Variants in PRTG observed in about 807,000 individuals in gnomAD.
PRTG encodes the protein immunoglobulin superfamily, DCC subclass, member 5.
Under a neutral mutation model 122.5 loss-of-function variants are expected in PRTG, and 67 were observed. The ratio of observed to expected loss-of-function variants is 0.55; its 90% CI spans 0.45 to 0.67. The LOEUF is 0.67. Ranked by LOEUF, PRTG falls within the 30% of genes least tolerant of loss-of-function variation. The pLI is 0.00. For missense variants in PRTG, 1,435 were observed against 1,415.4 expected (o/e 1.01, Z -0.22); for synonymous variants, 554 against 501.1 (o/e 1.11, Z -1.41).
chr15:55,687,588 G>A (rs1245342896), intron 2 of PRTG, among the ~76,000 whole-genome samples: 4 of 152,038 alleles, frequency 2.6e-5, no homozygotes, highest in African/African-American at 9.7e-5. Flanking sequence ...TAACAATTGA[G>A]CTAACCTTGT....
chr15:55,737,825 T>C (rs540155964), intron 2 of PRTG, among the ~76,000 whole-genome samples: 1 of 151,920 alleles, frequency 6.6e-6, no homozygotes, highest in Middle Eastern at 3.4e-3. Flanking sequence ...TGTACTATTG[T>C]GCTTCTGTAC....
rs541887850 is a variant in PRTG, at chr15:55,613,404, A to G, written c.*6608T>C. ...AGAAAATTACAAAAGATAAAATGCA[A>G]TTCTGAAGACATTGTCGAATAAGGA... is the stretch of plus-strand genomic sequence containing the variant. On this transcript the variant is annotated 3_prime_UTR_variant, in exon 20 of 20. Coordinates refer to ENST00000389286, the MANE Select transcript of PRTG (RefSeq NM_173814.6). The G allele has an allele frequency of 1.3e-5, 2 of 152,264 alleles. No homozygotes were observed. Among genetic ancestry groups the G allele is most frequent in the African/African-American group, 4.8e-5 (2 of 41,580 alleles). 9.4% of individuals were successfully genotyped at this position (152,264 alleles called of 1,614,324 possible). A position where few individuals can be genotyped will look rare whatever the true frequency, so the allele number is the denominator to read the frequency against.
At chr15:55,656,152 A>C (rs2059378603) in intron 11 of PRTG, 2 of 278,364 alleles carry the variant, frequency 7.2e-6, no homozygotes, top group Admixed American at 5.0e-5. Flanking sequence ...TCTGTATTTA[A>C]ATTTCCAAAA....
At chr15:55,640,289 T>A (rs1387539092) in intron 12 of PRTG, among the ~76,000 whole-genome samples, 1 of 152,166 alleles carries the variant, frequency 6.6e-6, no homozygotes. Flanking sequence ...TGGTAACAGG[T>A]TGCTCTATGA....
intron 2 of PRTG, among the ~76,000 whole-genome samples, chr15:55,693,142 C>T (rs933689229): frequency 6.6e-6 from 1 of 152,042 alleles, no homozygotes; most frequent in African/African-American, 2.4e-5. Context: ...AGCCACCGCG[C>T]CAAGCCAAGG....
chr15:55,665,514 T>G (rs1360467432), intron 11 of PRTG, among the ~76,000 whole-genome samples: 3 of 151,860 alleles, frequency 2.0e-5, no homozygotes, highest in East Asian at 3.9e-4. Flanking sequence ...TTTGTTTTTT[T>G]TTTTTTTAAT....
At chr15:55,645,935 AG>A (rs1459713922) in intron 11 of PRTG, among the ~76,000 whole-genome samples, 1 of 152,242 alleles carries the variant, frequency 6.6e-6, no homozygotes, top group Non-Finnish European at 1.5e-5. Context: ...AAGGGAAGAC[AG>A]GGAGAAGTTG....
chr15:55,732,856 T>A (rs1458707936), intron 2 of PRTG, among the ~76,000 whole-genome samples: 1 of 152,218 alleles, frequency 6.6e-6, no homozygotes, highest in Non-Finnish European at 1.5e-5. Flanking sequence ...GGAAAAGCAC[T>A]GTCACTCCAA....
intron 2 of PRTG, among the ~76,000 whole-genome samples, chr15:55,691,973 T>C (rs1013298459): frequency 5.4e-5 from 8 of 149,408 alleles, no homozygotes; most frequent in Non-Finnish European, 1.0e-4. Context: ...GGAGGTTGAG[T>C]CTGCAGTGAG....
chr15:55,665,789 A>C (rs1239446899), intron 11 of PRTG, among the ~76,000 whole-genome samples: 1 of 152,122 alleles, frequency 6.6e-6, no homozygotes, highest in Non-Finnish European at 1.5e-5. Flanking sequence ...TCCTGACTTC[A>C]AGTGATCCAC....
chr15:55,679,277 AC>A lies in PRTG; in HGVS notation c.1133+8del, dbSNP rs758987086. The stretch of plus-strand genomic sequence containing the variant: ...ATATATAAAATGGTAGCAAAGTTAC[AC>A]AGCCTACCTGTTGTACATTTTAATT... On this transcript the variant is annotated splice_region_variant and intron_variant, in intron 7 of 19. Transcript: ENST00000389286. The A allele has an allele frequency of 8.8e-6, 14 of 1,594,208 alleles. No homozygotes were observed. The highest frequency in any genetic ancestry group is 1.1e-5 in the Non-Finnish European group (13 of 1,164,276).
At chr15:55,640,558 C>G (rs760380820) in intron 12 of PRTG, among the ~76,000 whole-genome samples, 1 of 152,196 alleles carries the variant, frequency 6.6e-6, no homozygotes, top group African/African-American at 2.4e-5. Flanking sequence ...TGGAGAGAAA[C>G]AGCCTCGAGG....
chr15:55,677,319 T>A (rs1022077342), intron 8 of PRTG, among the ~76,000 whole-genome samples: 2 of 152,138 alleles, frequency 1.3e-5, no homozygotes, highest in African/African-American at 4.8e-5. Context: ...ATTCAAAATA[T>A]ACAAAATACT....
chr15:55,742,890 C>T lies in PRTG; in HGVS notation c.42G>A (p.Pro14=), dbSNP rs1322932100. 2.0e-6 allele frequency: 3 copies of T among 1,531,310 alleles called. No individual in the cohort carries two copies. Among genetic ancestry groups the T allele is most frequent in the Non-Finnish European group, 2.6e-6 (3 of 1,138,436 alleles). The allele number at this position is 1,531,310 out of a possible 1,614,324, so 94.9% of individuals were successfully genotyped here. A position where few individuals can be genotyped will look rare whatever the true frequency, so the allele number is the denominator to read the frequency against. Residue 14 remains proline, a synonymous_variant, in exon 1 of 20, where the codon CCG becomes CCA. Transcript: ENST00000389286. The part of the protein sequence containing the change: ...PLRPLARLRP[P]GMLLRALLLL... ...GCAGGAGCGCGCGGAGCAGCATCCC[C>T]GGCGGTCGCAGCCGGGCGAGGGGTC...
intron 2 of PRTG, among the ~76,000 whole-genome samples, chr15:55,686,442 T>C (rs949053693): frequency 1.3e-5 from 2 of 152,134 alleles, no homozygotes; most frequent in Admixed American, 1.3e-4. Context: ...CCCCAGCCTG[T>C]CCACTTTAAC....
intron 2 of PRTG, among the ~76,000 whole-genome samples, chr15:55,698,306 T>C (rs1201809856): frequency 6.6e-6 from 1 of 152,096 alleles, no homozygotes; most frequent in African/African-American, 2.4e-5. Flanking sequence ...CCCACTCCAT[T>C]CTTAGACAGG....
chr15:55,710,888 T>C (rs966451834), intron 2 of PRTG, among the ~76,000 whole-genome samples: 3 of 152,072 alleles, frequency 2.0e-5, no homozygotes, highest in East Asian at 3.9e-4. Flanking sequence ...AAAGGCTTTA[T>C]AGCAGATGTG....
At chr15:55,631,484 G>GA (rs1177323029) in intron 15 of PRTG, among the ~76,000 whole-genome samples, 1 of 151,962 alleles carries the variant, frequency 6.6e-6, no homozygotes, top group Non-Finnish European at 1.5e-5. Context: ...TCTTCATTTA[G>GA]AAAAAAGGGA....
intron 13 of PRTG, among the ~76,000 whole-genome samples, chr15:55,639,076 A>G (rs546792671): frequency 1.4e-3 from 209 of 152,224 alleles, no homozygotes; most frequent in Admixed American, 3.5e-3. Flanking sequence ...AGCACAAGCA[A>G]TTCTCCTGTG....
Sources: gnomAD v4.1 joint callset for allele counts (sites outside exome capture counted in the v4.1 genomes callset) on GRCh38, gnomAD v4.1.1 for gene constraint, MANE v1.5 for transcripts, NCBI Gene and HGNC (gene_info 2026-07-23, HGNC 2026-07-21) for gene names.